The following COL8A1 variants were observed in gnomAD, a reference collection of about 807,000 sequenced individuals.
The protein encoded by COL8A1 is collagen alpha-1(VIII) chain.
A neutral mutation model predicts 42.7 loss-of-function variants in COL8A1; 21 were observed. That is an observed-to-expected ratio of 0.49 (90% CI 0.35 to 0.71). The LOEUF (loss-of-function observed/expected upper bound fraction) is 0.71. Ranked by LOEUF, COL8A1 falls within the 30% of genes least tolerant of loss-of-function variation. The pLI is 0.01. For synonymous variants in COL8A1, 367 were observed against 369.1 expected (o/e 0.99, Z 0.06); for missense variants, 788 against 962.4 (o/e 0.82, Z 2.40).
chr3:99,643,925 C>A (rs1460332732), intron 1 of COL8A1, among the ~76,000 whole-genome samples: 1 of 152,068 alleles, frequency 6.6e-6, no homozygotes, highest in East Asian at 1.9e-4. Flanking sequence ...GAGCAAAATA[C>A]CCATAATGGA....
At chr3:99,693,020 G>A (rs914633990) in intron 1 of COL8A1, among the ~76,000 whole-genome samples, 97 of 152,254 alleles carry the variant, frequency 6.4e-4, no homozygotes, top group African/African-American at 2.3e-3. Flanking sequence ...TTAGCCAGGC[G>A]TGGTGGCGTG....
At chr3:99,705,391 C>A (rs907778238) in intron 1 of COL8A1, among the ~76,000 whole-genome samples, 5 of 152,124 alleles carry the variant, frequency 3.3e-5, no homozygotes, top group Admixed American at 2.6e-4. Context: ...GGGAACTCGT[C>A]CCAGTGGCAA....
chr3:99,721,369 CAAAAA>C (rs34692096), intron 1 of COL8A1, among the ~76,000 whole-genome samples: 98 of 118,518 alleles, frequency 8.3e-4, no homozygotes, highest in African/African-American at 2.8e-3. Context: ...ACAATTTAGA[CAAAAA>C]AAAAAAAAAA....
chr3:99,663,866 C>T (rs760090274), intron 1 of COL8A1, among the ~76,000 whole-genome samples: 2 of 152,150 alleles, frequency 1.3e-5, no homozygotes, highest in African/African-American at 4.8e-5. Context: ...TTAATGCATA[C>T]TATCTTTGAT....
chr3:99,677,381 T>A (rs531497987), intron 1 of COL8A1, among the ~76,000 whole-genome samples: 6 of 152,252 alleles, frequency 3.9e-5, no homozygotes, highest in African/African-American at 1.4e-4. Context: ...TCACAGCTAT[T>A]TGAAAATTCA....
At chr3:99,677,572 A>C (rs1938739163) in intron 1 of COL8A1, among the ~76,000 whole-genome samples, 1 of 152,176 alleles carries the variant, frequency 6.6e-6, no homozygotes, top group Non-Finnish European at 1.5e-5. Flanking sequence ...CTTAATGCAG[A>C]ACATCTTATA....
intron 1 of COL8A1, among the ~76,000 whole-genome samples, chr3:99,694,475 CA>C (rs796962809): frequency 1.1e-3 from 152 of 144,626 alleles, no homozygotes; most frequent in African/African-American, 3.3e-3. Flanking sequence ...GACTCCATCT[CA>C]AAAAAAAAAG....
chr3:99,730,795 C>T (rs1474327353), intron 1 of COL8A1, among the ~76,000 whole-genome samples: 1 of 152,156 alleles, frequency 6.6e-6, no homozygotes, highest in Non-Finnish European at 1.5e-5. Context: ...TCTCAGCGAA[C>T]TCATGAAATA....
intron 2 of COL8A1, among the ~76,000 whole-genome samples, chr3:99,754,292 A>C (rs959160995): frequency 1.3e-5 from 2 of 152,240 alleles, no homozygotes; most frequent in African/African-American, 4.8e-5. Context: ...ATAAAACCAT[A>C]GTTTACATAG....
intron 2 of COL8A1, among the ~76,000 whole-genome samples, chr3:99,785,436 GTTACAA>G (rs1941875777): frequency 1.3e-5 from 2 of 152,118 alleles, no homozygotes; most frequent in African/African-American, 4.8e-5. Context: ...CATAAGCTTG[GTTACAA>G]TTACATTTGA....
intron 1 of COL8A1, among the ~76,000 whole-genome samples, chr3:99,667,673 G>A (rs1448705863): frequency 6.6e-6 from 1 of 152,138 alleles, no homozygotes; most frequent in African/African-American, 2.4e-5. Context: ...GTATTGTGTT[G>A]AGAAAGCACA....
Position 99,790,689 on chromosome 3 carries a change from G to A in COL8A1, c.7G>A (p.Val3Met), listed in dbSNP as rs766862245. 7 of 1,613,774 alleles carry A rather than the reference G, an allele frequency of 4.3e-6. No homozygotes were observed. In the Admixed American group the frequency reaches 6.7e-5, roughly 15 times the overall value. ...TTGGTTCCTCCCACAGGTGATGGCT[G>A]TGCTGCCTGGCCCTCTGCAGCTGCT... is the stretch of plus-strand genomic sequence containing the variant. MAVLPGPLQLLGV... is the reference protein window; with the variant it reads MAMLPGPLQLLGV... Residue 3 changes from valine to methionine, a missense_variant, in exon 3 of 4, where the codon GTG becomes ATG. Val to Met is a conservative substitution (Grantham distance 21). Coordinates refer to ENST00000652472, the MANE Select transcript of COL8A1 (RefSeq NM_020351.4).
chr3:99,731,112 G>A (rs1288837274), intron 1 of COL8A1, among the ~76,000 whole-genome samples: 1 of 152,090 alleles, frequency 6.6e-6, no homozygotes, highest in East Asian at 1.9e-4. Context: ...CTTTGGAGTA[G>A]TTGGGGAGAG....
chr3:99,668,576 A>C (rs1277256721), intron 1 of COL8A1, among the ~76,000 whole-genome samples: 1 of 152,072 alleles, frequency 6.6e-6, no homozygotes, highest in Non-Finnish European at 1.5e-5. Context: ...AAGGAGAAAA[A>C]CTGAGATATG....
intron 1 of COL8A1, among the ~76,000 whole-genome samples, chr3:99,696,475 C>A (rs1344079950): frequency 1.3e-5 from 2 of 152,134 alleles, no homozygotes; most frequent in Non-Finnish European, 2.9e-5. Context: ...CTAGAGCAAC[C>A]AACAGCGGCT....
At chr3:99,761,565 A>C (rs1435063247) in intron 2 of COL8A1, among the ~76,000 whole-genome samples, 6 of 152,212 alleles carry the variant, frequency 3.9e-5, no homozygotes, top group Admixed American at 1.3e-4. Context: ...GCCTGTGTTG[A>C]AGCTGTAACT....
intron 1 of COL8A1, among the ~76,000 whole-genome samples, chr3:99,701,450 T>C (rs1939534863): frequency 1.3e-5 from 2 of 152,210 alleles, no homozygotes; most frequent in Admixed American, 1.3e-4. Context: ...GCATGTCCTT[T>C]GGCAGTGGAG....
chr3:99,708,446 C>T (rs573632440), intron 1 of COL8A1, among the ~76,000 whole-genome samples: 19 of 152,268 alleles, frequency 1.2e-4, no homozygotes, highest in African/African-American at 4.3e-4. Context: ...TCTAACTTGG[C>T]CCATTGGCTT....
In COL8A1 at chr3:99,794,557, C is replaced by A; in HGVS notation, c.656C>A (p.Pro219Gln). ...KPGGPGLPGQPGPKGDRGPKG... is the reference protein window; with the variant it reads ...KPGGPGLPGQQGPKGDRGPKG... Reference sequence around the variant, plus strand: ...GGTGGGCCAGGGTTACCAGGGCAACCAGGACCAAAGGGTGATCGAGGACCC... The same window carrying A: ...GGTGGGCCAGGGTTACCAGGGCAACAAGGACCAAAGGGTGATCGAGGACCC... Residue 219 changes from proline to glutamine, a missense_variant, in exon 4 of 4, where the codon CCA becomes CAA. Pro to Gln is a moderately conservative substitution (Grantham distance 76). This residue lies in a region of COL8A1 where 421 missense variants were observed against 553.1 expected (regional missense o/e 0.76). Coordinates refer to ENST00000652472, the MANE Select transcript of COL8A1 (RefSeq NM_020351.4). The surrounding 1 kb of genome is among the most constrained non-coding windows in gnomAD (Gnocchi z 4.3). 2 of 1,613,946 alleles carry A rather than the reference C, an allele frequency of 1.2e-6. No homozygotes were observed. Among genetic ancestry groups the A allele is most frequent in the Non-Finnish European group, 1.7e-6 (2 of 1,179,892 alleles).
Sources: gnomAD v4.1 joint callset for allele counts (sites outside exome capture counted in the v4.1 genomes callset) on GRCh38, gnomAD v4.1.1 for gene constraint, gnomAD v4.1.1 regional missense constraint, Gnocchi (gnomAD v3.1) non-coding constraint, MANE v1.5 for transcripts, NCBI Gene and HGNC (gene_info 2026-07-23, HGNC 2026-07-21) for gene names.